COG7: variants seen among roughly 807,000 people sequenced by gnomAD.
COG7 encodes component of oligomeric golgi complex 7.
Under a neutral mutation model 91.5 loss-of-function variants are expected in COG7, and 49 were observed. The ratio of observed to expected loss-of-function variants is 0.54; its 90% CI spans 0.43 to 0.68. The LOEUF (loss-of-function observed/expected upper bound fraction) is 0.68, where lower values mean the gene tolerates loss of function less well. COG7 is among the 30% of genes least tolerant of loss of function. COG7 has a pLI of 0.00. For missense variants in COG7, 895 were observed against 961.3 expected (o/e 0.93, Z 0.91); for synonymous variants, 365 against 388.7 (o/e 0.94, Z 0.72).
intron 4 of COG7, among the ~76,000 whole-genome samples, chr16:23,435,372 A>C (rs1963998272): frequency 6.6e-6 from 1 of 152,152 alleles, no homozygotes; most frequent in Non-Finnish European, 1.5e-5. Context: ...CTCTAAAACA[A>C]AGCAAAACAA....
chr16:23,400,293 C>T (rs912695608), intron 13 of COG7, among the ~76,000 whole-genome samples: 2 of 152,102 alleles, frequency 1.3e-5, no homozygotes, highest in African/African-American at 4.8e-5. Flanking sequence ...TCAAAAACAG[C>T]TCAGAGATGA....
At chr16:23,422,474 T>C (rs1188764944) in intron 7 of COG7, among the ~76,000 whole-genome samples, 1 of 148,954 alleles carries the variant, frequency 6.7e-6, no homozygotes, top group Non-Finnish European at 1.5e-5. Flanking sequence ...TTATATAACA[T>C]ATATTATTAC....
At position 23,412,791 on chromosome 16, in the gene COG7, T is replaced by G. The variant is rs564269634; in HGVS notation, c.1409+657A>C. ...ACCTCCACCTCCCAGGTTCAAGCAA[T>G]TCCCCTGCCTCAGCCTCCTGGGTAG... On this transcript the variant is annotated intron_variant, in intron 10 of 16. Coordinates refer to ENST00000307149, the MANE Select transcript of COG7 (RefSeq NM_153603.4). The G allele has an allele frequency of 2.0e-5, 3 of 152,678 alleles. No homozygotes were observed. The East Asian group carries it at 5.8e-4, about 29-fold the overall frequency. The allele number at this position is 152,678 out of a possible 1,614,324, so 9.5% of individuals were successfully genotyped here.
chr16:23,420,388 T>C (rs1567338236), intron 7 of COG7, among the ~76,000 whole-genome samples: 1 of 152,184 alleles, frequency 6.6e-6, no homozygotes, highest in Non-Finnish European at 1.5e-5. Context: ...ATAGCCTACT[T>C]ACTGGTATCC....
rs1413062130 is a variant in COG7 at position 23,433,597 on chromosome 16, A to C, written c.758T>G (p.Leu253Arg). 2 of 1,613,954 alleles carry C rather than the reference A, an allele frequency of 1.2e-6. No individual in the cohort carries two copies. The highest frequency in any genetic ancestry group is 3.3e-5 in the Admixed American group (2 of 59,982). The change falls in exon 6 of 17, where the codon CTC becomes CGC. Residue 253 changes from leucine to arginine, a missense_variant. Leu to Arg is a moderately radical substitution (Grantham distance 102). Coordinates refer to ENST00000307149, the MANE Select transcript of COG7 (RefSeq NM_153603.4). ...DLSLDRQLTG[L>R]YDALLGAWHT... ...CCAAGCACCAAGCAAGGCATCATAG[A>C]GTCCGGTAAGCTGCCGGTCCAGGGA...
intron 10 of COG7, among the ~76,000 whole-genome samples, chr16:23,411,194 T>A (rs1160549688): frequency 1.3e-5 from 2 of 152,314 alleles, no homozygotes; most frequent in East Asian, 3.9e-4. Flanking sequence ...TATTGAATGA[T>A]CCTTTAATTT....
chr16:23,410,076 C>T (rs554768213), intron 11 of COG7, among the ~76,000 whole-genome samples: 9 of 152,330 alleles, frequency 5.9e-5, no homozygotes, highest in Non-Finnish European at 8.8e-5. Flanking sequence ...ACCAAAATTA[C>T]GTGACCCCTG....
rs991686717 is a variant in COG7, at chr16:23,449,368, A to C, written c.170-3407T>G. Among the ~76,000 whole-genome samples the C allele has an allele frequency of 5.0e-5, 7 of 141,360 alleles. No individual in the cohort carries two copies. In the Admixed American group the frequency reaches 5.5e-4, roughly 11 times the overall value. 92.7% of individuals were successfully genotyped at this position (141,360 alleles called of 152,430 possible). A position where few individuals can be genotyped will look rare whatever the true frequency, so the allele number is the denominator to read the frequency against. On this transcript the variant is annotated intron_variant, in intron 1 of 16. Coordinates refer to ENST00000307149, the MANE Select transcript of COG7 (RefSeq NM_153603.4). Reference sequence around the variant, plus strand: ...ACAGAGCGAGACTCCATCTCAAAAAAATAAAATTAAATTAAAATAAAATAA... The same window carrying C: ...ACAGAGCGAGACTCCATCTCAAAAACATAAAATTAAATTAAAATAAAATAA...
At chr16:23,413,729 GTTC>G (rs1305127775) in intron 9 of COG7, 165 bp from the exon 10 acceptor site, 2 of 606,030 alleles carry the variant, frequency 3.3e-6, no homozygotes, top group Admixed American at 2.7e-5. Context: ...AACACAAAAA[GTTC>G]TTCTCTATGT....
chr16:23,427,952 G>C (rs1963874472), intron 6 of COG7, among the ~76,000 whole-genome samples: 1 of 152,156 alleles, frequency 6.6e-6, no homozygotes, highest in African/African-American at 2.4e-5. Context: ...CGAGTGGGCA[G>C]AGCACTTGAG....
At chr16:23,413,720 A>G (rs942862131) in intron 9 of COG7, 156 bp from the exon 10 acceptor site, 2 of 635,116 alleles carry the variant, frequency 3.1e-6, no homozygotes, top group Non-Finnish European at 5.7e-6. Flanking sequence ...AAACCTCTGA[A>G]CACAAAAAGT....
Position 23,442,517 on chromosome 16 carries a change from G to A in COG7, c.564C>T (p.Ala188=), listed in dbSNP as rs774689841. Residue 188 remains alanine, a synonymous_variant, in exon 4 of 17, where the codon GCC becomes GCT. Coordinates refer to ENST00000307149, the MANE Select transcript of COG7 (RefSeq NM_153603.4). The stretch of plus-strand genomic sequence containing the variant: ...TGAATGCCGCTACAATCTGTGGACT[G>A]GCTAGGGCCTCCAGCCTGTTCTTCA... ...EALKNRLEAL[A]SPQIVAAFTS... is the part of the protein sequence containing the mutation. The A allele has an allele frequency of 2.3e-5, 37 of 1,613,962 alleles. No individual in the cohort carries two copies. The highest frequency in any genetic ancestry group is 1.7e-4 in the Middle Eastern group (1 of 6,038).
intron 1 of COG7, among the ~76,000 whole-genome samples, chr16:23,447,831 C>T (rs1218011468): frequency 9.9e-5 from 15 of 151,776 alleles, no homozygotes; most frequent in African/African-American, 3.6e-4. Flanking sequence ...ACCTGGGAGG[C>T]GGAGGTTGCA....
At position 23,452,913 on chromosome 16, in the gene COG7, C is replaced by T; in HGVS notation, c.82G>A (p.Ala28Thr). The T allele has an allele frequency of 1.9e-6, 3 of 1,614,106 alleles. No individual in the cohort carries two copies. The highest frequency in any genetic ancestry group is 2.5e-6 in the Non-Finnish European group (3 of 1,180,002). ...TGGCCATCCGCCTTCCCGGACGCCG[C>T]CTCCTTGGAGCCGGCCCTGAAGGCC... ...NAAFRAGSKE[A>T]ASGKADGHAA... Residue 28 changes from alanine (A) to threonine (T), a missense_variant, in exon 1 of 17, where the codon GCG becomes ACG. Physicochemically the swap from Ala to Thr is moderately conservative, Grantham distance 58. Coordinates refer to ENST00000307149, the MANE Select transcript of COG7 (RefSeq NM_153603.4).
intron 6 of COG7, among the ~76,000 whole-genome samples, chr16:23,430,547 GT>G (rs879312340): frequency 3.4e-4 from 50 of 145,096 alleles, no homozygotes; most frequent in Admixed American, 9.0e-4. Flanking sequence ...AACTTACTCT[GT>G]TTTTTTTTTT....
intron 6 of COG7, among the ~76,000 whole-genome samples, chr16:23,432,436 A>G (rs2142086641): frequency 6.6e-6 from 1 of 152,280 alleles, no homozygotes; most frequent in Middle Eastern, 3.4e-3. Context: ...CCCTCACTGC[A>G]ATCTATTTCA....
At position 23,434,731 on chromosome 16, in the gene COG7, C is replaced by A. The variant is rs1415853002; in HGVS notation, c.605-13G>T. ...ACTTTGGACTGATCTAAAGAACATA[C>A]AATGTATATATACTGTTACCAGCCT... On this transcript the variant is annotated splice_polypyrimidine_tract_variant and intron_variant, in intron 4 of 16. Transcript: ENST00000307149. The A allele has an allele frequency of 6.3e-7, 1 of 1,581,224 alleles. No homozygotes were observed. The highest frequency in any genetic ancestry group is 1.7e-5 in the Admixed American group (1 of 59,960).
In COG7 at chr16:23,433,620, G is replaced by A. The variant is rs765523421; in HGVS notation, c.735C>T (p.Ser245=). 1 of 1,614,026 alleles carries A rather than the reference G, an allele frequency of 6.2e-7. No individual in the cohort carries two copies. The change falls in exon 6 of 17, where the codon TCC becomes TCT. Residue 245 remains serine (S), a synonymous_variant. Coordinates refer to ENST00000307149, the MANE Select transcript of COG7 (RefSeq NM_153603.4). The part of the protein sequence containing the change: ...AWQELCQSDL[S]LDRQLTGLYD... Reference sequence around the variant, plus strand: ...AGAGTCCGGTAAGCTGCCGGTCCAGGGATAGGTCACTTTGACACAGCTCTT... The same window carrying A: ...AGAGTCCGGTAAGCTGCCGGTCCAGAGATAGGTCACTTTGACACAGCTCTT...
At chr16:23,391,607 C>T (rs62029422) in intron 16 of COG7, among the ~76,000 whole-genome samples, 4 of 152,236 alleles carry the variant, frequency 2.6e-5, no homozygotes, top group South Asian at 2.1e-4. Flanking sequence ...TCACTGAGGA[C>T]GAAGCTCTGG....
Sources: gnomAD v4.1 joint callset for allele counts (sites outside exome capture counted in the v4.1 genomes callset) on GRCh38, gnomAD v4.1.1 for gene constraint, MANE v1.5 for transcripts, NCBI Gene and HGNC (gene_info 2026-07-23, HGNC 2026-07-21) for gene names.